The following SULF2 variants were observed in gnomAD, a reference collection of about 807,000 sequenced individuals.
SULF2 encodes sulfatase 2.
In SULF2, 52 loss-of-function variants were observed where a neutral mutation model predicts 107.7. That is an observed-to-expected ratio of 0.48 (90% confidence interval 0.39 to 0.61). The LOEUF is 0.61. SULF2 is among the 20% of genes least tolerant of loss of function. SULF2 has a pLI of 0.00. For synonymous variants in SULF2, 460 were observed against 464.3 expected (o/e 0.99, Z 0.12); for missense variants, 993 against 1,177.3 (o/e 0.84, Z 2.29).
chr20:47,717,734 A>G, intron 3 of SULF2, among the ~76,000 whole-genome samples: 1 of 152,094 alleles, frequency 6.6e-6, no homozygotes, highest in East Asian at 1.9e-4. Context: ...CCTTTCTTGA[A>G]GCATAGGTGG....
intron 4 of SULF2, among the ~76,000 whole-genome samples, chr20:47,701,200 G>T (rs2088557552): frequency 6.6e-6 from 1 of 152,214 alleles, no homozygotes; most frequent in African/African-American, 2.4e-5. Context: ...ATTCCATTTA[G>T]GTGAAGTTCT....
At chr20:47,669,024 C>T (rs2087375037) in intron 11 of SULF2, among the ~76,000 whole-genome samples, 1 of 152,216 alleles carries the variant, frequency 6.6e-6, no homozygotes, top group African/African-American at 2.4e-5. Context: ...GGAGCCGCCA[C>T]CCCTCTCTGC....
intron 2 of SULF2, among the ~76,000 whole-genome samples, chr20:47,742,799 C>T (rs140937432): frequency 2.6e-5 from 4 of 152,240 alleles, no homozygotes; most frequent in Admixed American, 1.3e-4. Flanking sequence ...TGACCTGCCA[C>T]AGATGACGAC....
chr20:47,706,065 C>G (rs191597819), intron 3 of SULF2, among the ~76,000 whole-genome samples: 114 of 152,240 alleles, frequency 7.5e-4, no homozygotes, highest in Middle Eastern at 3.4e-3. Context: ...TCCCAAAGTT[C>G]TGGGACTACA....
upstream of SULF2, chr20:47,785,535 A>G (rs201699521): frequency 1 from 143,213 of 143,452 alleles, 71,487 homozygotes; most frequent in East Asian, 1. Context: ...CCGCCCCCCA[A>G]CGCCGCCGCC....
At chr20:47,735,861 G>T (rs2089716318) in intron 3 of SULF2, among the ~76,000 whole-genome samples, 1 of 152,230 alleles carries the variant, frequency 6.6e-6, no homozygotes, top group South Asian at 2.1e-4. Flanking sequence ...GCTGGAGGAG[G>T]AGTCCATCCT....
At chr20:47,782,455 C>G (rs1420109730) in intron 1 of SULF2, among the ~76,000 whole-genome samples, 3 of 152,216 alleles carry the variant, frequency 2.0e-5, no homozygotes, top group South Asian at 2.1e-4. Flanking sequence ...CCAGAGAAAG[C>G]AGGTTTCAGG....
chr20:47,731,720 C>T (rs1445206492), intron 3 of SULF2, among the ~76,000 whole-genome samples: 2 of 152,206 alleles, frequency 1.3e-5, no homozygotes, highest in South Asian at 2.1e-4. Context: ...AAGGAGATGT[C>T]CATTTTCAGC....
intron 2 of SULF2, among the ~76,000 whole-genome samples, chr20:47,751,623 G>T (rs1439471221): frequency 6.6e-6 from 1 of 152,142 alleles, no homozygotes; most frequent in East Asian, 1.9e-4. Flanking sequence ...GGAGATGGAG[G>T]GACAGAGGCC....
In SULF2 at chr20:47,676,933, A is replaced by G. The variant is rs986812922; in HGVS notation, c.1250+145T>C. ...CAATTCTGTGTCTATAGGAGCAGTG[A>G]ATGGGCTTTGTGTTTAGGGGCCTTT... On this transcript the variant is annotated intron_variant, in intron 9 of 20. Transcript: ENST00000688720. 4.7e-6 allele frequency: 4 copies of G among 843,968 alleles called. No individual in the cohort carries two copies. The African/African-American group carries it at 6.8e-5, about 14-fold the overall frequency. The allele number at this position is 843,968 out of a possible 1,614,324, so 52.3% of individuals were successfully genotyped here. A position where few individuals can be genotyped will look rare whatever the true frequency, so the allele number is the denominator to read the frequency against.
rs780178582 is a variant in SULF2, at chr20:47,665,865, C to T, written c.1894G>A (p.Asp632Asn). 1.9e-6 allele frequency: 3 copies of T among 1,613,840 alleles called. No homozygotes were observed. Among genetic ancestry groups the T allele is most frequent in the Non-Finnish European group, 2.5e-6 (3 of 1,179,890 alleles). ...TCCCGCTCTCCACTCACCTCGTGGT[C>T]GATGTGCAGCTTGTGGTCTTTCCAG... ...QAWKDHKLHI[D>N]HEIETLQNKI... The change falls in exon 13 of 21, where the codon GAC becomes AAC. Residue 632 changes from aspartate to asparagine, a missense_variant. Asp to Asn is a conservative substitution (Grantham distance 23, BLOSUM62 1). This residue lies in a region of SULF2 where 497 missense variants were observed against 544.1 expected (regional missense o/e 0.91). Coordinates refer to ENST00000688720, the MANE Select transcript of SULF2 (RefSeq NM_001387048.1).
intron 10 of SULF2, among the ~76,000 whole-genome samples, chr20:47,674,648 C>T (rs963180847): frequency 2.6e-5 from 4 of 152,164 alleles, no homozygotes; most frequent in East Asian, 1.9e-4. Flanking sequence ...CACATGAGCT[C>T]GGTTCCTGGG....
chr20:47,732,186 G>A (rs952320909), intron 3 of SULF2, among the ~76,000 whole-genome samples: 1 of 152,160 alleles, frequency 6.6e-6, no homozygotes, highest in Non-Finnish European at 1.5e-5. Flanking sequence ...GTGAGCCACT[G>A]CACCCAGCCA....
Position 47,666,211 on chromosome 20 carries a change from C to G in SULF2, c.1805+49G>C. The stretch of plus-strand genomic sequence containing the variant: ...CCAAGAGGTGTGGGAAGCCCTTTGC[C>G]GAGGTCTGTCCTGTCCCCTTCACCC... On this transcript the variant is annotated intron_variant, in intron 12 of 20. Coordinates refer to ENST00000688720, the MANE Select transcript of SULF2 (RefSeq NM_001387048.1). The surrounding 1 kb of genome is among the most constrained non-coding windows in gnomAD (Gnocchi z 5.4). The G allele has an allele frequency of 1.2e-6, 2 of 1,611,162 alleles. No homozygotes were observed. Among genetic ancestry groups the G allele is most frequent in the South Asian group, 1.1e-5 (1 of 90,914 alleles).
chr20:47,713,161 C>T (rs973872745), intron 3 of SULF2, among the ~76,000 whole-genome samples: 1 of 152,172 alleles, frequency 6.6e-6, no homozygotes, highest in Admixed American at 6.5e-5. Context: ...ACCTGAAGCA[C>T]ATCTGTGTGC....
chr20:47,763,618 G>A (rs2090462451), intron 1 of SULF2, among the ~76,000 whole-genome samples: 1 of 152,190 alleles, frequency 6.6e-6, no homozygotes, highest in Admixed American at 6.5e-5. Context: ...CGTCCCACGG[G>A]CTGGGGCCAG....
intron 3 of SULF2, among the ~76,000 whole-genome samples, chr20:47,722,510 C>T (rs1188348832): frequency 3.3e-5 from 5 of 152,104 alleles, no homozygotes; most frequent in Non-Finnish European, 7.4e-5. Context: ...GATCCTCCCA[C>T]CACAGCCTCC....
At chr20:47,679,117 A>C (rs1342451920) in intron 7 of SULF2, among the ~76,000 whole-genome samples, 1 of 149,652 alleles carries the variant, frequency 6.7e-6, no homozygotes, top group Non-Finnish European at 1.5e-5. Flanking sequence ...CTTTACAGCC[A>C]GCCCAAATCC....
intron 4 of SULF2, among the ~76,000 whole-genome samples, chr20:47,701,725 T>C (rs1348928592): frequency 2.6e-5 from 4 of 152,184 alleles, no homozygotes; most frequent in East Asian, 1.9e-4. Flanking sequence ...AAGCGCATGA[T>C]GGAATGCTGG....
Sources: allele counts gnomAD v4.1 joint callset (sites outside exome capture counted in the v4.1 genomes callset), GRCh38; gene constraint gnomAD v4.1.1; regional missense constraint gnomAD v4.1.1; non-coding constraint Gnocchi (gnomAD v3.1); transcripts MANE v1.5; gene names NCBI Gene and HGNC (gene_info 2026-07-23, HGNC 2026-07-21).